Variants in MAEL observed in about 807,000 individuals in gnomAD.
The protein encoded by MAEL is maelstrom spermatogenic transposon silencer.
In MAEL, 46 loss-of-function variants were observed where a neutral mutation model predicts 62.0. The ratio of observed to expected loss-of-function variants is 0.74; its 90% CI spans 0.59 to 0.95. MAEL has a LOEUF of 0.95. MAEL is among the 40% of genes least tolerant of loss of function. The pLI is 0.00. For synonymous variants in MAEL, 172 were observed against 175.5 expected (o/e 0.98, Z 0.16); for missense variants, 497 against 526.8 (o/e 0.94, Z 0.55).
At chr1:166,982,465 C>G (rs757774263) in intron 1 of MAEL, among the ~76,000 whole-genome samples, 4 of 152,114 alleles carry the variant, frequency 2.6e-5, no homozygotes, top group Non-Finnish European at 5.9e-5. Context: ...CTGGATGTAG[C>G]TTGCAATGAA....
intron 1 of MAEL, among the ~76,000 whole-genome samples, chr1:166,978,828 T>C (rs1281356229): frequency 6.6e-6 from 1 of 151,970 alleles, no homozygotes; most frequent in Non-Finnish European, 1.5e-5. Flanking sequence ...AAGGAAGGGG[T>C]CTGGCTCTGC....
intron 8 of MAEL, among the ~76,000 whole-genome samples, chr1:167,015,913 TAGAA>T (rs1257859918): frequency 1.3e-5 from 2 of 152,200 alleles, no homozygotes; most frequent in African/African-American, 4.8e-5. Flanking sequence ...CCACAAGGCC[TAGAA>T]AATAGTGTAC....
intron 1 of MAEL, 91 bp from the exon 2 acceptor site, chr1:166,989,646 C>G: frequency 6.8e-7 from 1 of 1,465,584 alleles, no homozygotes; most frequent in South Asian, 1.3e-5. Context: ...CCAGAACCAC[C>G]TCCCTGTAAT....
intron 2 of MAEL, 107 bp from the exon 3 acceptor site, chr1:166,991,271 C>T (rs1341866780): frequency 2.3e-5 from 16 of 697,176 alleles, no homozygotes; most frequent in Non-Finnish European, 4.0e-5. Flanking sequence ...GATTCATTGA[C>T]CTTGGTAATC....
chr1:166,992,630 G>A, intron 3 of MAEL, 56 bp from the exon 4 acceptor site: 1 of 1,315,326 alleles, frequency 7.6e-7, no homozygotes, highest in East Asian at 2.6e-5. Flanking sequence ...GGCTTTTGTG[G>A]AAGAGGTAAA....
rs534002641 is a variant in MAEL at position 166,995,509 on chromosome 1, G to A, written c.523+1440G>A. 2.3e-3 allele frequency among the ~76,000 whole-genome samples: 344 copies of A among 152,020 alleles called. 4 individuals are homozygous for A. Among genetic ancestry groups the A allele is most frequent in the African/African-American group, 7.9e-3 (328 of 41,450 alleles). The stretch of plus-strand genomic sequence containing the variant: ...CCTGCCTCAGGCTCTCAAAGTGCTG[G>A]GATTACAGGCGTGAGCCACCGTGCT... On this transcript the variant is annotated intron_variant, in intron 5 of 11. Transcript: ENST00000367872.
chr1:166,984,348 C>T (rs925477398), upstream of MAEL, among the ~76,000 whole-genome samples: 1 of 152,160 alleles, frequency 6.6e-6, no homozygotes, highest in Non-Finnish European at 1.5e-5. Flanking sequence ...ATGCTTTGAA[C>T]CCTTTCTCCA....
In MAEL at chr1:166,992,691, C is replaced by T; in HGVS notation, c.331C>T (p.Leu111Phe). 1 of 1,585,250 alleles carries T rather than the reference C, an allele frequency of 6.3e-7. No individual in the cohort carries two copies. The highest frequency in any genetic ancestry group is 8.5e-7 in the Non-Finnish European group (1 of 1,171,022). ...ATCTTACAATTTTTTTTTAGCTCTC[C>T]TTGGAGGCATTTTTTATTTTTTGAA... ...ALSLKGDQAL[L>F]GGIFYFLNIF... is the part of the protein sequence containing the mutation. Residue 111 changes from leucine (L) to phenylalanine (F), a missense_variant, in exon 4 of 12, where the codon CTT (leucine) becomes TTT (phenylalanine). Leu to Phe is a conservative substitution (Grantham distance 22). Transcript: ENST00000367872.
At position 167,004,273 on chromosome 1, in the gene MAEL, A is replaced by G. The variant is rs140068242; in HGVS notation, c.617A>G (p.Asn206Ser). The G allele has an allele frequency of 2.4e-5, 39 of 1,607,648 alleles. No individual in the cohort carries two copies. Among genetic ancestry groups the G allele is most frequent in the Non-Finnish European group, 3.2e-5 (38 of 1,177,286 alleles). Residue 206 changes from asparagine to serine, a missense_variant, in exon 6 of 12, where the codon AAC (asparagine) becomes AGC (serine). By Grantham distance (46) the Asn-to-Ser change is conservative. Coordinates refer to ENST00000367872, the MANE Select transcript of MAEL (RefSeq NM_032858.3). ...LQNLYRFIHP[N>S]PGNWPPIYCK... Reference sequence around the variant, plus strand: ...AACCTTTATAGATTTATTCATCCCAACCCAGGGAACTGGCCACCTATCTAC... The same window carrying G: ...AACCTTTATAGATTTATTCATCCCAGCCCAGGGAACTGGCCACCTATCTAC...
intron 5 of MAEL, among the ~76,000 whole-genome samples, chr1:166,994,827 G>A (rs963371665): frequency 5.3e-5 from 8 of 151,640 alleles, no homozygotes; most frequent in African/African-American, 1.9e-4. Flanking sequence ...ATGCCACGGT[G>A]CCCAGCTAAT....
chr1:166,980,104 A>G lies in MAEL; in HGVS notation c.-121+4438A>G, dbSNP rs1405149789. 2.6e-5 allele frequency among the ~76,000 whole-genome samples: 4 copies of G among 151,922 alleles called. No individual in the cohort carries two copies. In the East Asian group the frequency reaches 7.7e-4, roughly 29 times the overall value. ...CCATCGTAGCTCACTGCAACCTTGA[A>G]CTCCTAGGCTCAATGCTATCCTCCT... On this transcript the variant is annotated intron_variant, in intron 1 of 12. Coordinates refer to the MAEL transcript ENST00000622874.
upstream of MAEL, among the ~76,000 whole-genome samples, chr1:166,985,359 C>G (rs1490019663): frequency 2.6e-5 from 4 of 152,146 alleles, no homozygotes; most frequent in Non-Finnish European, 4.4e-5. Flanking sequence ...GTAAGGATCT[C>G]CCTTGAAGCC....
chr1:166,989,840 C>A lies in MAEL; in HGVS notation c.225+11C>A. 4 of 1,603,132 alleles carry A rather than the reference C, an allele frequency of 2.5e-6. No individual in the cohort carries two copies. The highest frequency in any genetic ancestry group is 3.4e-6 in the Non-Finnish European group (4 of 1,174,622). ...CCCTCAGAGAAGCAGGTAAAGTTAACGAGAGAAGAGCCGCCATCTGCCTGG... is the reference window on the plus strand; with the variant it reads ...CCCTCAGAGAAGCAGGTAAAGTTAAAGAGAGAAGAGCCGCCATCTGCCTGG... On this transcript the variant is annotated intron_variant, in intron 2 of 11. Transcript: ENST00000367872.
intron 1 of MAEL, among the ~76,000 whole-genome samples, chr1:166,976,836 G>A (rs1457842587): frequency 1.3e-5 from 2 of 152,178 alleles, no homozygotes; most frequent in African/African-American, 2.4e-5. Flanking sequence ...CTGGGCAGCT[G>A]TCTTTTATGG....
intron 10 of MAEL, 24 bp downstream of exon 10, chr1:167,017,983 T>A (rs774415591): frequency 6.2e-7 from 1 of 1,610,230 alleles, no homozygotes; most frequent in Non-Finnish European, 8.5e-7. Flanking sequence ...TTTTAAGAGC[T>A]GCTGGTCTCT....
upstream of MAEL, chr1:166,989,219 G>T (rs1333429565): frequency 3.4e-6 from 4 of 1,191,592 alleles, no homozygotes; most frequent in Non-Finnish European, 4.6e-6. Context: ...CAATGCGACT[G>T]CGCGTCGCTT....
At chr1:167,000,275 T>C (rs1029970829) in intron 5 of MAEL, among the ~76,000 whole-genome samples, 4 of 152,008 alleles carry the variant, frequency 2.6e-5, no homozygotes, top group African/African-American at 9.7e-5. Context: ...TTGGAGGAGG[T>C]CAGAATATCA....
chr1:166,978,850 CTT>C (rs1332716424), intron 1 of MAEL, among the ~76,000 whole-genome samples: 1 of 152,134 alleles, frequency 6.6e-6, no homozygotes, highest in Non-Finnish European at 1.5e-5. Context: ...ATACTTCAAA[CTT>C]TCTACTGCAA....
At chr1:167,018,840 G>T (rs1665502555) in intron 10 of MAEL, among the ~76,000 whole-genome samples, 1 of 152,144 alleles carries the variant, frequency 6.6e-6, no homozygotes, top group Non-Finnish European at 1.5e-5. Flanking sequence ...GTTCCCAGGA[G>T]TTAGGGGTGG....
Sources: allele counts gnomAD v4.1 joint callset (sites outside exome capture counted in the v4.1 genomes callset), GRCh38; gene constraint gnomAD v4.1.1; transcripts MANE v1.5; gene names NCBI Gene and HGNC (gene_info 2026-07-23, HGNC 2026-07-21).